MUC5AC: variants seen among roughly 807,000 people sequenced by gnomAD.
The protein encoded by MUC5AC is mucin 5AC, oligomeric mucus/gel-forming.
MUC5AC carries 158 observed loss-of-function variants against 169.7 expected under a neutral mutation model. The observed-to-expected ratio is 0.93, with a 90% CI of 0.82 to 1.06. The LOEUF (loss-of-function observed/expected upper bound fraction) is 1.06, where lower values mean the gene tolerates loss of function less well. MUC5AC is among the 50% of genes least tolerant of loss of function. MUC5AC has a pLI of 0.00. For missense variants in MUC5AC, 4,359 were observed against 3,089.9 expected, an observed-to-expected ratio of 1.41 and a Z score of -9.74; for synonymous variants, 1,975 against 1,237.0, an observed-to-expected ratio of 1.60 and a Z score of -12.52.
Position 1,169,024 on chromosome 11 carries a change from A to G in MUC5AC, c.1868A>G (p.Asn623Ser). ...GACCCCTGCTCTCTGAGCGTGGAGAATGGTACGGGTGTCCACGGCTCGCCT... is the reference window on the plus strand; with the variant it reads ...GACCCCTGCTCTCTGAGCGTGGAGAGTGGTACGGGTGTCCACGGCTCGCCT... ...FEDPCSLSVE[N>S]EKYAQHWCSQ... The change falls in exon 15 of 49, where the codon AAT becomes AGT. Residue 623 changes from asparagine to serine, a missense_variant and splice_region_variant. Physicochemically the swap from Asn to Ser is conservative, Grantham distance 46 (BLOSUM62 1). Transcript: ENST00000621226. 1 of 1,584,356 alleles carries G rather than the reference A, an allele frequency of 6.3e-7. No individual in the cohort carries two copies. The highest frequency in any genetic ancestry group is 8.6e-7 in the Non-Finnish European group (1 of 1,164,060).
chr11:1,162,985 A>G lies in MUC5AC; in HGVS notation c.619A>G (p.Thr207Ala). 6.2e-7 allele frequency: 1 copy of G among 1,612,656 alleles called. No homozygotes were observed. Among genetic ancestry groups the G allele is most frequent in the Non-Finnish European group, 8.5e-7 (1 of 1,179,846 alleles). ...LELDTKYANK[T>A]CGLCGDFNGM... Reference sequence around the variant, plus strand: ...GCTGGACACCAAATACGCCAACAAGACCTGTGGGCTCTGTGGGGACTTCAA... The same window carrying G: ...GCTGGACACCAAATACGCCAACAAGGCCTGTGGGCTCTGTGGGGACTTCAA... Residue 207 changes from threonine (T) to alanine (A), a missense_variant, in exon 6 of 49, where the codon ACC (threonine) becomes GCC (alanine). Coordinates refer to ENST00000621226, the MANE Select transcript of MUC5AC (RefSeq NM_001304359.2).
Position 1,189,020 on chromosome 11 carries a change from C to G in MUC5AC, c.10875C>G (p.Pro3625=). The G allele has an allele frequency of 1.5e-6, 1 of 670,900 alleles. No individual in the cohort carries two copies. Among genetic ancestry groups the G allele is most frequent in the Admixed American group, 2.2e-5 (1 of 45,652 alleles). 41.6% of individuals were successfully genotyped at this position (670,900 alleles called of 1,614,324 possible). The change falls in exon 31 of 49, where the codon CCC becomes CCG. Residue 3625 remains proline, a synonymous_variant. Transcript: ENST00000621226. ...VLCCETPKGC[P]VTSTSVTAPS... ...GCTGCGAGACCCCCAAAGGCTGCCC[C>G]GTGACCTCCACATCTGTGACAGCTC... is the stretch of plus-strand genomic sequence containing the variant.
chr11:1,171,465 CCCCT>C (rs1860530459), intron 15 of MUC5AC, among the ~76,000 whole-genome samples: 10 of 121,552 alleles, frequency 8.2e-5, no homozygotes, highest in African/African-American at 1.2e-4. Context: ...ACCCATTCAC[CCCCT>C]CACTCACCCA....
Position 1,189,085 on chromosome 11 carries a change from G to T in MUC5AC, c.10940G>T (p.Ser3647Ile). ...PSGRATSPTQ[S>I]TSSWQKSRTT... ...GGGAGAGCCACCAGCCCAACTCAGA[G>T]CACCTCCTCTTGGCAGAAATCCAGG... is the stretch of plus-strand genomic sequence containing the variant. The change falls in exon 31 of 49, where the codon AGC (serine) becomes ATC (isoleucine). Residue 3647 changes from serine (S) to isoleucine (I), a missense_variant. Transcript: ENST00000621226. 4.9e-6 allele frequency: 3 copies of T among 616,892 alleles called. No homozygotes were observed. The highest frequency in any genetic ancestry group is 2.9e-6 in the Non-Finnish European group (1 of 344,826). 38.2% of individuals were successfully genotyped at this position (616,892 alleles called of 1,614,324 possible).
At chr11:1,173,752 C>CCACT (rs1264421827) in intron 16 of MUC5AC, among the ~76,000 whole-genome samples, 1 of 141,810 alleles carries the variant, frequency 7.1e-6, no homozygotes, top group African/African-American at 2.7e-5. Flanking sequence ...ACTCACTCAT[C>CCACT]CACTCACTCA....
In MUC5AC at chr11:1,185,632, C is replaced by T. The variant is rs1229491020; in HGVS notation, c.7487C>T (p.Pro2496Leu). ...SGPETTPRPV[P>L]TTSTTSSPTT... ...CCTGAAACTACTCCTAGACCTGTTC[C>T]TACCACCAGCACAACCTCTTCTCCT... is the stretch of plus-strand genomic sequence containing the variant. The change falls in exon 31 of 49, where the codon CCT (proline) becomes CTT (leucine). Residue 2496 changes from proline to leucine, a missense_variant. Coordinates refer to ENST00000621226, the MANE Select transcript of MUC5AC (RefSeq NM_001304359.2). 8.1e-6 allele frequency: 6 copies of T among 736,674 alleles called. No homozygotes were observed. The highest frequency in any genetic ancestry group is 5.5e-5 in the Admixed American group (3 of 54,256). 45.6% of individuals were successfully genotyped at this position (736,674 alleles called of 1,614,324 possible).
intron 43 of MUC5AC, 106 bp from the exon 44 acceptor site, chr11:1,198,768 G>A (rs1437663641): frequency 1.5e-6 from 1 of 651,036 alleles, no homozygotes; most frequent in South Asian, 1.7e-5. Flanking sequence ...GAAGCGGCCT[G>A]GAGGGGGATG....
intron 35 of MUC5AC, among the ~76,000 whole-genome samples, 167 bp downstream of exon 35, chr11:1,194,837 C>T (rs1331412598): frequency 1.3e-5 from 2 of 152,074 alleles, no homozygotes; most frequent in Admixed American, 6.5e-5. Flanking sequence ...CCTGCAGCTC[C>T]CCAGTACCAT....
Position 1,200,712 on chromosome 11 carries a change from C to A in MUC5AC, c.*10C>A. ...GTCCCCCATGCACTGACCAGCACTG[C>A]CGCCCTCCTGACCTCCAAGGAGAAC... is the stretch of plus-strand genomic sequence containing the variant. On this transcript the variant is annotated 3_prime_UTR_variant, in exon 49 of 49. Coordinates refer to ENST00000621226, the MANE Select transcript of MUC5AC (RefSeq NM_001304359.2). 1.4e-6 allele frequency: 1 copy of A among 721,148 alleles called. No homozygotes were observed. The highest frequency in any genetic ancestry group is 1.4e-5 in the South Asian group (1 of 69,874). 44.7% of individuals were successfully genotyped at this position (721,148 alleles called of 1,614,324 possible).
rs1232632668 is a variant in MUC5AC, at chr11:1,196,465, G to A, written c.15715G>A (p.Ala5239Thr). 4 of 764,902 alleles carry A rather than the reference G, an allele frequency of 5.2e-6. No homozygotes were observed. The highest frequency in any genetic ancestry group is 3.4e-5 in the African/African-American group (2 of 59,142). The allele number at this position is 764,902 out of a possible 1,614,324, so 47.4% of individuals were successfully genotyped here. ...NPSYCYGNDS[A>T]SLGALPEAGP... ...CTCCTACTGCTACGGGAATGACAGC[G>A]CCAGCCTCGGGTAGGCACCCTCCCT... The change falls in exon 38 of 49, where the codon GCC becomes ACC. Residue 5239 changes from alanine to threonine, a missense_variant. Ala to Thr is a moderately conservative substitution (Grantham distance 58, BLOSUM62 0). Coordinates refer to ENST00000621226, the MANE Select transcript of MUC5AC (RefSeq NM_001304359.2).
rs577204654 is a variant in MUC5AC at position 1,167,986 on chromosome 11, C to T, written c.1496C>T (p.Thr499Met). ...ACACTGAGCCTGGATGGGGCGCAGA[C>T]GGTGAGTGGAGCCTGGCAGGGCAAA... is the stretch of plus-strand genomic sequence containing the variant. ...SVTLSLDGAQTVVVIKASGEV... is the reference protein window; with the variant it reads ...SVTLSLDGAQMVVVIKASGEV... Residue 499 changes from threonine (T) to methionine (M), a missense_variant and splice_region_variant, in exon 12 of 49, where the codon ACG (threonine) becomes ATG (methionine). Coordinates refer to ENST00000621226, the MANE Select transcript of MUC5AC (RefSeq NM_001304359.2). 6.1e-5 allele frequency: 94 copies of T among 1,549,874 alleles called. No individual in the cohort carries two copies. Among genetic ancestry groups the T allele is most frequent in the South Asian group, 2.1e-4 (18 of 84,052 alleles).
At position 1,196,804 on chromosome 11, in the gene MUC5AC, C is replaced by T. The variant is rs1861287520; in HGVS notation, c.15830-73C>T. The T allele has an allele frequency of 1.4e-5, 10 of 740,258 alleles. No individual in the cohort carries two copies. The South Asian group carries it at 1.4e-4, about 10-fold the overall frequency. The allele number at this position is 740,258 out of a possible 1,614,324, so 45.9% of individuals were successfully genotyped here. A position where few individuals can be genotyped will look rare whatever the true frequency, so the allele number is the denominator to read the frequency against. ...CAGGTCCTGGGGTCTACCCTGGCCCCAATATGGGACCCTGCCTCTCGCCCC... is the reference window on the plus strand; with the variant it reads ...CAGGTCCTGGGGTCTACCCTGGCCCTAATATGGGACCCTGCCTCTCGCCCC... On this transcript the variant is annotated intron_variant, in intron 39 of 48. Coordinates refer to ENST00000621226, the MANE Select transcript of MUC5AC (RefSeq NM_001304359.2).
chr11:1,194,198 G>T lies in MUC5AC; in HGVS notation c.14844G>T (p.Val4948=). ...TFLDNCTYVL[V]QQIVPVYGHF... Reference sequence around the variant, plus strand: ...TGGACAACTGCACGTACGTGCTGGTGCAGCAGATTGTGCCCGTGTATGGCC... The same window carrying T: ...TGGACAACTGCACGTACGTGCTGGTTCAGCAGATTGTGCCCGTGTATGGCC... Residue 4948 remains valine, a synonymous_variant, in exon 34 of 49, where the codon GTG becomes GTT. Transcript: ENST00000621226. 1 of 765,086 alleles carries T rather than the reference G, an allele frequency of 1.3e-6. No homozygotes were observed. The highest frequency in any genetic ancestry group is 2.4e-6 in the Non-Finnish European group (1 of 417,868). The allele number at this position is 765,086 out of a possible 1,614,324, so 47.4% of individuals were successfully genotyped here.
chr11:1,182,220 G>A lies in MUC5AC; in HGVS notation c.4075G>A (p.Ala1359Thr), dbSNP rs947152030. Residue 1359 changes from alanine (A) to threonine (T), a missense_variant, in exon 31 of 49, where the codon GCC (alanine) becomes ACC (threonine). Transcript: ENST00000621226. ...SSAHTGPPSS[A>T]WPTTAGTSPR... ...CGCGCACACAGGCCCTCCGAGCAGC[G>A]CCTGGCCCACCACAGCAGGCACTTC... is the stretch of plus-strand genomic sequence containing the variant. 4.5e-3 allele frequency: 1,776 copies of A among 398,624 alleles called. 37 individuals are homozygous for A. The highest frequency in any genetic ancestry group is 0.034 in the African/African-American group (1,663 of 48,742). The allele number at this position is 398,624 out of a possible 1,614,324, so 24.7% of individuals were successfully genotyped here.
intron 15 of MUC5AC, among the ~76,000 whole-genome samples, chr11:1,170,408 C>T (rs1400589032): frequency 7.2e-6 from 1 of 139,544 alleles, no homozygotes; most frequent in African/African-American, 2.7e-5. Context: ...CACCCACTCA[C>T]CTACTCACCC....
In MUC5AC at chr11:1,186,076, C is replaced by T. The variant is rs1860936443; in HGVS notation, c.7931C>T (p.Thr2644Ile). ...CCCAGCCCTGTTCCTACCGCCAGCA[C>T]AACCTCTGCTTCTACAACTAGCACA... is the stretch of plus-strand genomic sequence containing the variant. ...TTPSPVPTAS[T>I]TSASTTSTTS... is the part of the protein sequence containing the mutation. The change falls in exon 31 of 49, where the codon ACA becomes ATA. Residue 2644 changes from threonine to isoleucine, a missense_variant. By Grantham distance (89) the Thr-to-Ile change is moderately conservative. Coordinates refer to ENST00000621226, the MANE Select transcript of MUC5AC (RefSeq NM_001304359.2). 1 of 745,530 alleles carries T rather than the reference C, an allele frequency of 1.3e-6. No individual in the cohort carries two copies. The highest frequency in any genetic ancestry group is 1.4e-5 in the South Asian group (1 of 71,724). 46.2% of individuals were successfully genotyped at this position (745,530 alleles called of 1,614,324 possible).
At chr11:1,158,417 G>A (rs1860026959) in intron 1 of MUC5AC, among the ~76,000 whole-genome samples, 1 of 152,236 alleles carries the variant, frequency 6.6e-6, no homozygotes, top group African/African-American at 2.4e-5. Context: ...CATGGCCCCT[G>A]CTGGGCCTGG....
rs1346021338 is a variant in MUC5AC, at chr11:1,185,576, C to T, written c.7431C>T (p.Thr2477=). The T allele has an allele frequency of 4.2e-6, 3 of 720,652 alleles. No homozygotes were observed. Among genetic ancestry groups the T allele is most frequent in the East Asian group, 2.6e-5 (1 of 38,834 alleles). The allele number at this position is 720,652 out of a possible 1,614,324, so 44.6% of individuals were successfully genotyped here. ...CTTCTGCTCCTAAAAGCAGCACAACCTCTGCCGCTACAACCAGCACAACCT... is the reference window on the plus strand; with the variant it reads ...CTTCTGCTCCTAAAAGCAGCACAACTTCTGCCGCTACAACCAGCACAACCT... ...RTTSAPKSST[T]SAATTSTTSG... The change falls in exon 31 of 49, where the codon ACC becomes ACT. Residue 2477 remains threonine, a synonymous_variant. Coordinates refer to ENST00000621226, the MANE Select transcript of MUC5AC (RefSeq NM_001304359.2).
chr11:1,192,103 C>G lies in MUC5AC; in HGVS notation c.13958C>G (p.Thr4653Ser). 1 of 765,094 alleles carries G rather than the reference C, an allele frequency of 1.3e-6. No homozygotes were observed. The highest frequency in any genetic ancestry group is 2.4e-6 in the Non-Finnish European group (1 of 417,898). The allele number at this position is 765,094 out of a possible 1,614,324, so 47.4% of individuals were successfully genotyped here. The change falls in exon 31 of 49, where the codon ACC (threonine) becomes AGC (serine). Residue 4653 changes from threonine (T) to serine (S), a missense_variant. Transcript: ENST00000621226. ...SPGPHGGDKE[T>S]YNNIIRSGEK... ...GGACCCCACGGCGGGGACAAGGAAACCTACAACAACATCATCAGGAGTGGG... is the reference window on the plus strand; with the variant it reads ...GGACCCCACGGCGGGGACAAGGAAAGCTACAACAACATCATCAGGAGTGGG...
Sources: allele counts gnomAD v4.1 joint callset (sites outside exome capture counted in the v4.1 genomes callset), GRCh38; gene constraint gnomAD v4.1.1; transcripts MANE v1.5; gene names NCBI Gene and HGNC (gene_info 2026-07-23, HGNC 2026-07-21).